Variants in ARRB1 observed in about 807,000 individuals in gnomAD.
ARRB1 encodes beta-arrestin-1.
Under a neutral mutation model 56.8 loss-of-function variants are expected in ARRB1, and 21 were observed. The observed-to-expected ratio is 0.37, with a 90% CI of 0.26 to 0.53. ARRB1 has a LOEUF of 0.53. ARRB1 is among the 20% of genes least tolerant of loss of function. The probability of loss-of-function intolerance (pLI) is 0.88; values close to 1 mark genes in which losing one functional copy is unlikely to be tolerated. For synonymous variants in ARRB1, 210 were observed against 218.6 expected, an observed-to-expected ratio of 0.96 and a Z score of 0.35; for missense variants, 424 against 553.7, an observed-to-expected ratio of 0.77 and a Z score of 2.35.
intron 1 of ARRB1, among the ~76,000 whole-genome samples, chr11:75,328,234 A>G (rs1204702581): frequency 1.3e-5 from 2 of 152,132 alleles, no homozygotes; most frequent in Non-Finnish European, 2.9e-5. Context: ...CATTTCACGT[A>G]AGGTTTGCAA....
intron 1 of ARRB1, among the ~76,000 whole-genome samples, chr11:75,296,177 C>G (rs1946741743): frequency 1.3e-5 from 1 of 78,632 alleles, no homozygotes. Flanking sequence ...CAGAGTAAGA[C>G]TTTGTCTCAA....
intron 1 of ARRB1, among the ~76,000 whole-genome samples, chr11:75,317,528 C>G (rs187576828): frequency 2.0e-5 from 3 of 152,204 alleles, no homozygotes; most frequent in African/African-American, 4.8e-5. Context: ...TCAGATCCCC[C>G]CATCAGACAA....
At chr11:75,328,775 G>C (rs1407270416) in intron 1 of ARRB1, among the ~76,000 whole-genome samples, 1 of 152,176 alleles carries the variant, frequency 6.6e-6, no homozygotes, top group East Asian at 1.9e-4. Flanking sequence ...CCAGGGCCAG[G>C]GGCCAGGCAT....
intron 1 of ARRB1, among the ~76,000 whole-genome samples, chr11:75,326,712 T>A (rs1191924043): frequency 6.9e-6 from 1 of 145,808 alleles, no homozygotes; most frequent in African/African-American, 2.6e-5. Context: ...ACTGCCTTTT[T>A]AAAATTACTG....
At chr11:75,311,849 G>C (rs912802194) in intron 1 of ARRB1, among the ~76,000 whole-genome samples, 6 of 152,168 alleles carry the variant, frequency 3.9e-5, no homozygotes, top group Admixed American at 1.3e-4. Context: ...TTCGGCCCCT[G>C]CTGGCCTGTG....
intron 1 of ARRB1, among the ~76,000 whole-genome samples, chr11:75,312,457 T>C (rs915554172): frequency 1.3e-5 from 2 of 152,242 alleles, no homozygotes; most frequent in African/African-American, 4.8e-5. Context: ...ACTGACTGCC[T>C]GTCCCAGGCA....
chr11:75,277,275 T>C, intron 9 of ARRB1, 89 bp downstream of exon 9: 1 of 1,316,118 alleles, frequency 7.6e-7, no homozygotes, highest in East Asian at 2.3e-5. Flanking sequence ...TATACAAGGC[T>C]GTTAACAAGG....
intron 1 of ARRB1, among the ~76,000 whole-genome samples, chr11:75,317,470 G>C (rs544751822): frequency 2.0e-5 from 3 of 152,138 alleles, no homozygotes; most frequent in Non-Finnish European, 2.9e-5. Flanking sequence ...CCTTCTCTGA[G>C]TTTTGCTCCT....
At chr11:75,286,255 C>CTTTTTTTTTTTTTTTTTTTTTTTTT (rs60988072) in intron 3 of ARRB1, among the ~76,000 whole-genome samples, 2 of 38,736 alleles carry the variant, frequency 5.2e-5, no homozygotes, top group African/African-American at 2.2e-4. Flanking sequence ...ATTTGCTCAT[C>CTTTTTTTTTTTTTTTTTTTTTTTTT]TTTTTTTTTT....
intron 2 of ARRB1, among the ~76,000 whole-genome samples, 176 bp from the exon 3 acceptor site, chr11:75,287,551 C>T (rs936456893): frequency 6.6e-6 from 1 of 152,216 alleles, no homozygotes; most frequent in Non-Finnish European, 1.5e-5. Context: ...ATTCGCAAAC[C>T]CCTGTAAAAT....
At chr11:75,320,940 G>T (rs1189848556) in intron 1 of ARRB1, among the ~76,000 whole-genome samples, 1 of 152,126 alleles carries the variant, frequency 6.6e-6, no homozygotes, top group East Asian at 1.9e-4. Context: ...GACAGGAGGG[G>T]CCATGGGAGC....
At chr11:75,295,936 A>G (rs1026294433) in intron 1 of ARRB1, among the ~76,000 whole-genome samples, 36 of 152,110 alleles carry the variant, frequency 2.4e-4, no homozygotes, top group African/African-American at 8.0e-4. Flanking sequence ...TGTAATCCCA[A>G]CACTTTGGGA....
intron 3 of ARRB1, among the ~76,000 whole-genome samples, chr11:75,285,757 C>G (rs1259641022): frequency 2.0e-5 from 3 of 152,160 alleles, no homozygotes; most frequent in Non-Finnish European, 4.4e-5. Flanking sequence ...CTGAACAGCT[C>G]TCAGGGTGCC....
intron 1 of ARRB1, among the ~76,000 whole-genome samples, chr11:75,299,976 G>A (rs1946859292): frequency 6.6e-6 from 1 of 152,100 alleles, no homozygotes; most frequent in Non-Finnish European, 1.5e-5. Context: ...GGAGGCCGAG[G>A]GGGGCAGATC....
chr11:75,278,893 G>T, intron 7 of ARRB1, 149 bp from the exon 8 acceptor site: 1 of 1,153,304 alleles, frequency 8.7e-7, no homozygotes, highest in Non-Finnish European at 1.2e-6. Flanking sequence ...TCAGCATAGG[G>T]GTCTGTCACC....
At chr11:75,350,892 C>G (rs1344443233) in intron 1 of ARRB1, among the ~76,000 whole-genome samples, 1 of 152,132 alleles carries the variant, frequency 6.6e-6, no homozygotes, top group Admixed American at 6.5e-5. Flanking sequence ...GCAGCTCGTG[C>G]CTGTGGGGTG....
intron 6 of ARRB1, 26 bp downstream of exon 6, chr11:75,281,936 G>C: frequency 6.2e-7 from 1 of 1,612,030 alleles, no homozygotes; most frequent in Middle Eastern, 1.7e-4. Context: ...TGGAGCCAGA[G>C]AGATGGTCCC....
In ARRB1 at chr11:75,290,073, G is replaced by C. The variant is rs186933212; in HGVS notation, c.21-34C>G. On this transcript the variant is annotated intron_variant, in intron 1 of 15. Coordinates refer to ENST00000420843, the MANE Select transcript of ARRB1 (RefSeq NM_004041.5). ...AGAAAGAGAGGTCAGGCCAGGGTTC[G>C]CGTATCCTGCCCAGGGGCAAGCTCC... 214 of 1,613,768 alleles carry C rather than the reference G, an allele frequency of 1.3e-4. No individual in the cohort carries two copies. In the African/African-American group the frequency reaches 2.5e-3, roughly 19 times the overall value.
At chr11:75,276,991 G>A in intron 9 of ARRB1, 80 bp from the exon 10 acceptor site, 6 of 1,314,772 alleles carry the variant, frequency 4.6e-6, no homozygotes, top group African/African-American at 1.4e-5. Context: ...CCGGGTTGGG[G>A]ATATTCAGCC....
Sources: gnomAD v4.1 joint callset for allele counts (sites outside exome capture counted in the v4.1 genomes callset) on GRCh38, gnomAD v4.1.1 for gene constraint, MANE v1.5 for transcripts, NCBI Gene and HGNC (gene_info 2026-07-23, HGNC 2026-07-21) for gene names.